Variants in HECW1 observed in about 807,000 individuals in gnomAD.
HECW1 encodes E3 ubiquitin-protein ligase HECW1.
A neutral mutation model predicts 182.3 loss-of-function variants in HECW1; 61 were observed. That is an observed-to-expected ratio of 0.33 (90% confidence interval 0.27 to 0.41). HECW1 has a LOEUF of 0.41. Among genes scored for constraint, HECW1 ranks in the 10% least tolerant of loss-of-function variants. The pLI is 1.00. For missense variants in HECW1, 1,739 were observed against 2,108.9 expected (o/e 0.82, Z 3.44); for synonymous variants, 859 against 832.6 (o/e 1.03, Z -0.55).
intron 19 of HECW1, among the ~76,000 whole-genome samples, chr7:43,495,253 T>G (rs2079073437): frequency 6.6e-6 from 1 of 152,068 alleles, no homozygotes; most frequent in African/African-American, 2.4e-5. Flanking sequence ...CCTAATGCTA[T>G]CCCTCCCCTA....
In HECW1 at chr7:43,492,088, C is replaced by G; in HGVS notation, c.3248C>G (p.Ser1083Cys). The part of the protein sequence containing the change: ...SYSAGEASEV[S>C]RNRGASLLAR... ...TTCTAAAATTAGGCCTCAGAAGTTT[C>G]TAGAAACAGAGGAGCCTCTTTACTG... Residue 1083 changes from serine to cysteine, a missense_variant, in exon 18 of 30, where the codon TCT (serine) becomes TGT (cysteine). This residue lies in a region of HECW1 where 971 missense variants were observed against 1,029.1 expected (regional missense o/e 0.94). Coordinates refer to ENST00000395891, the MANE Select transcript of HECW1 (RefSeq NM_015052.5). 1.2e-6 allele frequency: 2 copies of G among 1,605,632 alleles called. No individual in the cohort carries two copies. Among genetic ancestry groups the G allele is most frequent in the South Asian group, 1.1e-5 (1 of 89,240 alleles).
chr7:43,429,317 T>TGC, intron 8 of HECW1, among the ~76,000 whole-genome samples: 1 of 58,746 alleles, frequency 1.7e-5, no homozygotes, highest in African/African-American at 5.0e-5. Flanking sequence ...TATATATATA[T>TGC]ATATATATAT....
At chr7:43,244,029 C>T (rs561168715) in intron 3 of HECW1, 97 bp downstream of exon 3, 25 of 987,586 alleles carry the variant, frequency 2.5e-5, no homozygotes, top group African/African-American at 1.4e-4. Context: ...AGGGCCATTG[C>T]GGTTGCCCAG....
chr7:43,237,140 A>AGTAGGAAGGTAG (rs1449363522), intron 2 of HECW1, among the ~76,000 whole-genome samples: 2 of 133,970 alleles, frequency 1.5e-5, no homozygotes, highest in East Asian at 5.0e-4. Context: ...GAAGGAAGGA[A>AGTAGGAAGGTAG]GTAGGTAGGT....
In HECW1 at chr7:43,327,361, C is replaced by A. The variant is rs112299565; in HGVS notation, c.460+6619C>A. Among the ~76,000 whole-genome samples, 1,319 of 152,262 alleles carry A rather than the reference C, an allele frequency of 8.7e-3. 16 individuals carry two copies. Among genetic ancestry groups the A allele is most frequent in the African/African-American group, 0.03 (1,258 of 41,544 alleles). ...CCAAGACTCCCCCCACCGCTGCCCA[C>A]CCACTTTAGCACTACGCTAAATTGA... is the stretch of plus-strand genomic sequence containing the variant. On this transcript the variant is annotated intron_variant, in intron 5 of 29. Transcript: ENST00000395891.
At chr7:43,181,907 C>T (rs1792899367) in intron 2 of HECW1, among the ~76,000 whole-genome samples, 1 of 150,636 alleles carries the variant, frequency 6.6e-6, no homozygotes, top group South Asian at 2.1e-4. Flanking sequence ...CGTGCCTCAG[C>T]CTCCCGAGTA....
At chr7:43,136,682 C>T (rs190068677) in intron 2 of HECW1, among the ~76,000 whole-genome samples, 2 of 152,318 alleles carry the variant, frequency 1.3e-5, no homozygotes, top group Admixed American at 1.3e-4. Context: ...CTAAATTACC[C>T]TCTCAAACAG....
At chr7:43,394,856 G>A (rs781572467) in intron 6 of HECW1, among the ~76,000 whole-genome samples, 2 of 152,212 alleles carry the variant, frequency 1.3e-5, no homozygotes, top group Non-Finnish European at 2.9e-5. Context: ...TCCATCTCCC[G>A]GAGCATTCAG....
intron 8 of HECW1, among the ~76,000 whole-genome samples, chr7:43,424,910 A>T (rs565969869): frequency 6.6e-6 from 1 of 152,284 alleles, no homozygotes; most frequent in South Asian, 2.1e-4. Context: ...GTAAAAGCTT[A>T]TGACAAACAT....
chr7:43,380,733 T>A (rs757986880), intron 6 of HECW1, among the ~76,000 whole-genome samples: 22 of 152,118 alleles, frequency 1.4e-4, no homozygotes, highest in Admixed American at 2.6e-4. Context: ...TTCACCATGT[T>A]GGCCAGGTTG....
At chr7:43,351,678 CTTT>C (rs200929407) in intron 5 of HECW1, among the ~76,000 whole-genome samples, 9 of 120,538 alleles carry the variant, frequency 7.5e-5, no homozygotes, top group Non-Finnish European at 8.7e-5. Flanking sequence ...TTTCTTTCTT[CTTT>C]TTTTTTTTTT....
chr7:43,336,962 G>A (rs1812369848), intron 5 of HECW1, among the ~76,000 whole-genome samples: 1 of 152,146 alleles, frequency 6.6e-6, no homozygotes, highest in Admixed American at 6.5e-5. Context: ...CACTTAGGTT[G>A]GTTCCATGAC....
intron 8 of HECW1, among the ~76,000 whole-genome samples, chr7:43,418,866 A>G (rs1167655063): frequency 6.6e-6 from 1 of 152,104 alleles, no homozygotes; most frequent in Non-Finnish European, 1.5e-5. Flanking sequence ...TGATGTCTCG[A>G]GCATTGTTAA....
At chr7:43,495,417 C>G (rs1451836980) in intron 19 of HECW1, among the ~76,000 whole-genome samples, 1 of 152,104 alleles carries the variant, frequency 6.6e-6, no homozygotes, top group Non-Finnish European at 1.5e-5. Context: ...CCTAGTATTT[C>G]TTTTGTCTTG....
At chr7:43,286,049 CAG>C (rs1804596419) in intron 3 of HECW1, among the ~76,000 whole-genome samples, 1 of 152,030 alleles carries the variant, frequency 6.6e-6, no homozygotes, top group Admixed American at 6.6e-5. Context: ...AGAGATAGAT[CAG>C]AGAGACCTTC....
chr7:43,317,132 C>T (rs1809419353), intron 4 of HECW1, among the ~76,000 whole-genome samples: 1 of 152,098 alleles, frequency 6.6e-6, no homozygotes, highest in Admixed American at 6.6e-5. Context: ...TTAGACCAGG[C>T]TCTTGGGCCT....
chr7:43,411,644 T>C (rs935318015), intron 8 of HECW1, among the ~76,000 whole-genome samples: 1 of 152,220 alleles, frequency 6.6e-6, no homozygotes, highest in Non-Finnish European at 1.5e-5. Flanking sequence ...TTTTGTTTCA[T>C]GTATTTTGAA....
intron 2 of HECW1, among the ~76,000 whole-genome samples, chr7:43,232,362 C>T (rs1211446728): frequency 2.0e-5 from 3 of 152,174 alleles, no homozygotes; most frequent in African/African-American, 2.4e-5. Flanking sequence ...CATCTTGCCC[C>T]GAGCAGTGGA....
chr7:43,282,476 G>A (rs903806309), intron 3 of HECW1, among the ~76,000 whole-genome samples: 2 of 152,210 alleles, frequency 1.3e-5, no homozygotes, highest in Non-Finnish European at 2.9e-5. Flanking sequence ...GTGTTCACAG[G>A]CTGTCTCAAA....
Sources: allele counts gnomAD v4.1 joint callset (sites outside exome capture counted in the v4.1 genomes callset), GRCh38; gene constraint gnomAD v4.1.1; regional missense constraint gnomAD v4.1.1; transcripts MANE v1.5; gene names NCBI Gene and HGNC (gene_info 2026-07-23, HGNC 2026-07-21).